Variants in DOCK3 observed in about 807,000 individuals in gnomAD.
The protein encoded by DOCK3 is dedicator of cytokinesis protein 3.
A neutral mutation model predicts 265.6 loss-of-function variants in DOCK3; 60 were observed. That is an observed-to-expected ratio of 0.23 (90% CI 0.18 to 0.28). The LOEUF is 0.28. Ranked by LOEUF, DOCK3 falls within the 10% of genes least tolerant of loss-of-function variation. DOCK3 has a pLI of 1.00. For synonymous variants in DOCK3, 881 were observed against 938.0 expected (o/e 0.94, Z 1.11); for missense variants, 1,981 against 2,594.3 (o/e 0.76, Z 5.14).
intron 1 of DOCK3, among the ~76,000 whole-genome samples, chr3:50,729,141 C>T (rs1157579923): frequency 6.8e-6 from 1 of 147,376 alleles, no homozygotes; most frequent in African/African-American, 2.4e-5. Context: ...CGCAACATGG[C>T]AAAACCCATC....
intron 4 of DOCK3, among the ~76,000 whole-genome samples, chr3:50,897,122 G>T (rs2048933145): frequency 6.6e-6 from 1 of 152,092 alleles, no homozygotes. Flanking sequence ...CATGAGCATG[G>T]AATATTTTTC....
At chr3:51,314,608 T>G (rs2083265272) in intron 31 of DOCK3, among the ~76,000 whole-genome samples, 1 of 152,102 alleles carries the variant, frequency 6.6e-6, no homozygotes, top group Non-Finnish European at 1.5e-5. Flanking sequence ...AAATATTGGG[T>G]TTTTCTTGTT....
At chr3:50,738,976 A>T (rs1415679211) in intron 1 of DOCK3, among the ~76,000 whole-genome samples, 2 of 152,208 alleles carry the variant, frequency 1.3e-5, no homozygotes, top group Non-Finnish European at 2.9e-5. Context: ...GCATAATAGC[A>T]GTTTTCCAGC....
intron 2 of DOCK3, among the ~76,000 whole-genome samples, chr3:50,823,374 G>C (rs1051861754): frequency 6.6e-6 from 1 of 152,142 alleles, no homozygotes. Flanking sequence ...GACTCTTAAC[G>C]AGCATGCTGT....
chr3:50,876,753 G>A (rs1414618663), intron 3 of DOCK3: 1 of 152,968 alleles, frequency 6.5e-6, no homozygotes, highest in Non-Finnish European at 1.5e-5. Context: ...AATTTTTTTG[G>A]TTACTCTGGT....
intron 3 of DOCK3, among the ~76,000 whole-genome samples, chr3:50,871,081 T>C (rs969153469): frequency 1.3e-5 from 2 of 152,150 alleles, no homozygotes; most frequent in Admixed American, 1.3e-4. Flanking sequence ...TATTTTTCTG[T>C]ATACTTAGTA....
At chr3:51,230,956 GAT>G (rs2090521748) in intron 19 of DOCK3, among the ~76,000 whole-genome samples, 1 of 150,890 alleles carries the variant, frequency 6.6e-6, no homozygotes, top group Non-Finnish European at 1.5e-5. Context: ...TTTTCTTTTG[GAT>G]ATATACACAG....
chr3:50,962,599 A>G (rs2076918848), intron 5 of DOCK3, among the ~76,000 whole-genome samples: 1 of 152,222 alleles, frequency 6.6e-6, no homozygotes, highest in Admixed American at 6.5e-5. Flanking sequence ...ATCCGTGTAT[A>G]CTTTCAGTAT....
At chr3:50,756,401 C>A (rs1176308881) in intron 1 of DOCK3, among the ~76,000 whole-genome samples, 1 of 151,970 alleles carries the variant, frequency 6.6e-6, no homozygotes, top group African/African-American at 2.4e-5. Flanking sequence ...GGAGCGGGGG[C>A]ATGTAGGGGG....
In DOCK3 at chr3:51,228,717, C is replaced by T; in HGVS notation, c.1704C>T (p.Cys568=). 6.2e-7 allele frequency: 1 copy of T among 1,614,018 alleles called. No homozygotes were observed. The highest frequency in any genetic ancestry group is 8.5e-7 in the Non-Finnish European group (1 of 1,179,898). Residue 568 remains cysteine, a synonymous_variant, in exon 18 of 53, where the codon TGC becomes TGT. Coordinates refer to ENST00000266037, the MANE Select transcript of DOCK3 (RefSeq NM_004947.5). ...NHALYLGLPC[C]KEDYNGCPNI... is the part of the protein sequence containing the mutation. ...CTCTGTACCTGGGCCTGCCCTGCTG[C>T]AAAGAGGACTACAATGGCTGCCCTA...
chr3:51,211,287 G>A (rs1204054296), intron 13 of DOCK3, among the ~76,000 whole-genome samples: 2 of 152,000 alleles, frequency 1.3e-5, no homozygotes, highest in Non-Finnish European at 2.9e-5. Flanking sequence ...GTAAGAAAAT[G>A]GTTTTCTTGT....
At chr3:51,174,498 A>C (rs1412842040) in intron 12 of DOCK3, among the ~76,000 whole-genome samples, 10 of 123,860 alleles carry the variant, frequency 8.1e-5, no homozygotes. Flanking sequence ...AAATAAATAA[A>C]TAACTTCTCA....
At chr3:50,929,606 T>C (rs1386241810) in intron 4 of DOCK3, among the ~76,000 whole-genome samples, 1 of 152,236 alleles carries the variant, frequency 6.6e-6, no homozygotes, top group East Asian at 1.9e-4. Context: ...AGAAGACCTA[T>C]GATTTCACAC....
chr3:51,159,283 G>A lies in DOCK3; in HGVS notation c.868G>A (p.Val290Ile), dbSNP rs758629699. The change falls in exon 11 of 53, where the codon GTT (valine) becomes ATT (isoleucine). Residue 290 changes from valine (V) to isoleucine (I), a missense_variant. Around this residue, in one of 4 missense-constraint regions of DOCK3, gnomAD observed 456 missense variants for 539.0 expected, o/e 0.85. Coordinates refer to ENST00000266037, the MANE Select transcript of DOCK3 (RefSeq NM_004947.5). The stretch of plus-strand genomic sequence containing the variant: ...AGATATGAAGAGAGATTTGTATATC[G>A]TTGCCCATGTGATCCGAATAGGTAC... ...SKDMKRDLYIVAHVIRIGRML... is the reference protein window; with the variant it reads ...SKDMKRDLYIIAHVIRIGRML... The A allele has an allele frequency of 3.0e-5, 49 of 1,612,976 alleles. 1 individual carries two copies. Among genetic ancestry groups the A allele is most frequent in the South Asian group, 9.9e-5 (9 of 90,966 alleles).
chr3:51,097,144 G>A (rs1409877507), intron 9 of DOCK3, among the ~76,000 whole-genome samples: 2 of 152,224 alleles, frequency 1.3e-5, no homozygotes, highest in African/African-American at 2.4e-5. Context: ...TGTGTTGGGA[G>A]ATCCGTTGCT....
rs773449763 is a variant in DOCK3, at chr3:51,228,845, G to A, written c.1819+13G>A. 3 of 1,613,028 alleles carry A rather than the reference G, an allele frequency of 1.9e-6. No individual in the cohort carries two copies. Among genetic ancestry groups the A allele is most frequent in the Non-Finnish European group, 2.5e-6 (3 of 1,179,374 alleles). ...CTCACCCAGAATGGTAGGTGATAAT[G>A]CCTGCAGGGTGGTGCCCTCCACCCT... On this transcript the variant is annotated intron_variant, in intron 18 of 52. Transcript: ENST00000266037.
intron 1 of DOCK3, among the ~76,000 whole-genome samples, chr3:50,689,396 A>G (rs1237278786): frequency 6.6e-6 from 1 of 152,192 alleles, no homozygotes; most frequent in Non-Finnish European, 1.5e-5. Context: ...GGAAGCAAAC[A>G]TGTCCTTCTT....
At chr3:50,911,373 A>G (rs2049844330) in intron 4 of DOCK3, among the ~76,000 whole-genome samples, 1 of 152,094 alleles carries the variant, frequency 6.6e-6, no homozygotes, top group Non-Finnish European at 1.5e-5. Flanking sequence ...TGTTCTACAC[A>G]TGGATAGTTA....
At chr3:50,889,063 A>G (rs1553694739) in intron 3 of DOCK3, among the ~76,000 whole-genome samples, 1 of 118,076 alleles carries the variant, frequency 8.5e-6, no homozygotes, top group Non-Finnish European at 1.8e-5. Context: ...TATTTAAGCC[A>G]TGGGTGTGTG....
Sources: allele counts gnomAD v4.1 joint callset (sites outside exome capture counted in the v4.1 genomes callset), GRCh38; gene constraint gnomAD v4.1.1; regional missense constraint gnomAD v4.1.1; transcripts MANE v1.5; gene names NCBI Gene and HGNC (gene_info 2026-07-23, HGNC 2026-07-21).